Variants in SLC9A4 observed in about 807,000 individuals in gnomAD.
The protein encoded by SLC9A4 is sodium/hydrogen exchanger 4.
SLC9A4 carries 63 observed loss-of-function variants against 67.4 expected under a neutral mutation model. That is an observed-to-expected ratio of 0.93 (90% CI 0.76 to 1.15). SLC9A4 has a LOEUF of 1.15. Among genes scored for constraint, SLC9A4 ranks in the 50% most tolerant of loss-of-function variants. SLC9A4 has a pLI of 0.00. For synonymous variants in SLC9A4, 393 were observed against 367.2 expected (o/e 1.07, Z -0.80); for missense variants, 1,089 against 987.7 (o/e 1.10, Z -1.38).
chr2:102,483,386 T>C (rs1407017370), intron 2 of SLC9A4, among the ~76,000 whole-genome samples: 2 of 152,160 alleles, frequency 1.3e-5, no homozygotes, highest in Non-Finnish European at 2.9e-5. Context: ...CACCCTTTCA[T>C]TGAGGAAGGA....
intron 2 of SLC9A4, among the ~76,000 whole-genome samples, chr2:102,495,227 T>C (rs1684782720): frequency 6.6e-6 from 1 of 152,078 alleles, no homozygotes; most frequent in Non-Finnish European, 1.5e-5. Flanking sequence ...AGATGTTTCA[T>C]GGTTCAAGAA....
intron 9 of SLC9A4, among the ~76,000 whole-genome samples, chr2:102,520,559 A>G (rs76333770): frequency 0.032 from 4,906 of 152,272 alleles, 282 homozygotes; most frequent in African/African-American, 0.11. Context: ...ATTCCATTTA[A>G]TTAGTCATCT....
intron 10 of SLC9A4, 49 bp downstream of exon 10, chr2:102,525,204 G>A: frequency 2.5e-6 from 4 of 1,610,482 alleles, no homozygotes; most frequent in East Asian, 2.2e-5. Flanking sequence ...GCAAGTGTTT[G>A]TCATCTGCTG....
In SLC9A4 at chr2:102,518,859, G is replaced by GAAACAAAC. The variant is rs535926347; in HGVS notation, c.1722-983_1722-976dup. Among the ~76,000 whole-genome samples, 246 of 152,156 alleles carry GAAACAAAC rather than the reference G, an allele frequency of 1.6e-3. 2 individuals are homozygous for GAAACAAAC. The highest frequency in any genetic ancestry group is 3.4e-3 in the Middle Eastern group (1 of 294). On this transcript the variant is annotated intron_variant, in intron 8 of 11. Coordinates refer to ENST00000295269, the MANE Select transcript of SLC9A4 (RefSeq NM_001011552.4). ...TCAAAATTCAAAAGAGCTGAGGCTA[G>GAAACAAAC]AAACAAACAAACAAACAAACAAACC...
intron 2 of SLC9A4, among the ~76,000 whole-genome samples, chr2:102,497,934 G>A (rs529592866): frequency 6.6e-6 from 1 of 152,210 alleles, no homozygotes; most frequent in African/African-American, 2.4e-5. Flanking sequence ...GTCTCTGTGT[G>A]TTAAAAGGGC....
rs1197597596 is a variant in SLC9A4 at position 102,505,443 on chromosome 2, G to A, written c.1170G>A (p.Leu390=). ...ACTGGGCCTTCATCTGCTTCACCCT[G>A]GCCTTCTGCCAAATCTGGAGAGCCA... ...EWNWAFICFT[L]AFCQIWRAIS... Residue 390 remains leucine, a synonymous_variant, in exon 4 of 12, where the codon CTG becomes CTA. Transcript: ENST00000295269. 6.2e-7 allele frequency: 1 copy of A among 1,614,070 alleles called. No homozygotes were observed.
chr2:102,514,269 T>C lies in SLC9A4; in HGVS notation c.1721+18T>C, dbSNP rs1179108195. 2.5e-6 allele frequency: 4 copies of C among 1,576,786 alleles called. No individual in the cohort carries two copies. The highest frequency in any genetic ancestry group is 3.5e-6 in the Non-Finnish European group (4 of 1,156,872). ...CCCCATCAGTGAGTCATATCTGTTC[T>C]TTGTTCTAAACTTTCACTGTCAGAA... is the stretch of plus-strand genomic sequence containing the variant. On this transcript the variant is annotated intron_variant, in intron 8 of 11. Transcript: ENST00000295269.
chr2:102,489,480 T>C (rs953355956), intron 2 of SLC9A4, among the ~76,000 whole-genome samples: 3 of 152,240 alleles, frequency 2.0e-5, no homozygotes, highest in African/African-American at 7.2e-5. Flanking sequence ...CTATGAACTA[T>C]GGCAATCCTC....
intron 11 of SLC9A4, among the ~76,000 whole-genome samples, chr2:102,528,276 G>T (rs1046428402): frequency 1.3e-5 from 2 of 151,954 alleles, no homozygotes; most frequent in Non-Finnish European, 2.9e-5. Flanking sequence ...CCAAAGTGCT[G>T]GGATTACAGG....
rs189703974 is a variant in SLC9A4, at chr2:102,497,577, G to A, written c.721-5871G>A. Among the ~76,000 whole-genome samples, 11 of 152,224 alleles carry A rather than the reference G, an allele frequency of 7.2e-5. No individual in the cohort carries two copies. In the East Asian group the frequency reaches 1.5e-3, roughly 21 times the overall value. On this transcript the variant is annotated intron_variant, in intron 2 of 11. Transcript: ENST00000295269. ...ACATCATGCTGAGTTAAATAAGCCC[G>A]AAAAAAGGAGTTCATAATTTATTAT...
At chr2:102,503,380 A>G in intron 2 of SLC9A4, 68 bp from the exon 3 acceptor site, 1 of 1,376,256 alleles carries the variant, frequency 7.3e-7, no homozygotes, top group Non-Finnish European at 9.8e-7. Context: ...CAAAGCTGAG[A>G]ATGTGCATGC....
chr2:102,529,967 A>C (rs184204184), intron 11 of SLC9A4, among the ~76,000 whole-genome samples: 1 of 152,322 alleles, frequency 6.6e-6, no homozygotes. Flanking sequence ...ATCCATGTGC[A>C]TCAAGGCAGA....
chr2:102,525,256 G>A, intron 10 of SLC9A4, 101 bp downstream of exon 10: 1 of 1,537,184 alleles, frequency 6.5e-7, no homozygotes, highest in Admixed American at 1.9e-5. Context: ...GACCATCGAT[G>A]CTTAAACAAA....
At chr2:102,524,548 G>A (rs1674616649) in intron 9 of SLC9A4, among the ~76,000 whole-genome samples, 1 of 145,698 alleles carries the variant, frequency 6.9e-6, no homozygotes, top group African/African-American at 2.6e-5. Context: ...TGATAATGGT[G>A]ATAGGAATTG....
chr2:102,490,096 G>T (rs1182265618), intron 2 of SLC9A4, among the ~76,000 whole-genome samples: 2 of 144,860 alleles, frequency 1.4e-5, no homozygotes, highest in Non-Finnish European at 3.0e-5. Context: ...AACTTCCAAC[G>T]TTTTTTTTTT....
chr2:102,493,438 C>A (rs1230153846), intron 2 of SLC9A4, among the ~76,000 whole-genome samples: 1 of 151,834 alleles, frequency 6.6e-6, no homozygotes, highest in Non-Finnish European at 1.5e-5. Context: ...AAAGGAGGAA[C>A]AAAGTCACGT....
chr2:102,528,411 T>G (rs930463606), intron 11 of SLC9A4, among the ~76,000 whole-genome samples: 8 of 152,132 alleles, frequency 5.3e-5, no homozygotes, highest in East Asian at 1.9e-4. Flanking sequence ...TTTCTTTTTT[T>G]TTTTTAATTT....
At position 102,532,416 on chromosome 2, in the gene SLC9A4, G is replaced by C; in HGVS notation, c.2125G>C (p.Glu709Gln). Residue 709 changes from glutamate (E) to glutamine (Q), a missense_variant, in exon 12 of 12, where the codon GAA becomes CAA. By Grantham distance (29) the Glu-to-Gln change is conservative. Coordinates refer to ENST00000295269, the MANE Select transcript of SLC9A4 (RefSeq NM_001011552.4). ...GTCACTTCAGAAGCAAGAGGCACAA[G>C]AAATAATACCAATGAAGAGCCTACA... ...IGSLQKQEAQ[E>Q]IIPMKSLHRG... The C allele has an allele frequency of 6.2e-7, 1 of 1,614,150 alleles. No homozygotes were observed. The highest frequency in any genetic ancestry group is 8.5e-7 in the Non-Finnish European group (1 of 1,180,014).
intron 11 of SLC9A4, 43 bp downstream of exon 11, chr2:102,526,389 C>A: frequency 1.3e-6 from 2 of 1,585,710 alleles, no homozygotes; most frequent in South Asian, 2.2e-5. Flanking sequence ...TCTGTAGAGT[C>A]AGGTGGTAAA....
Sources: allele counts gnomAD v4.1 joint callset (sites outside exome capture counted in the v4.1 genomes callset), GRCh38; gene constraint gnomAD v4.1.1; transcripts MANE v1.5; gene names NCBI Gene and HGNC (gene_info 2026-07-23, HGNC 2026-07-21).